Variants in GSR observed in about 807,000 individuals in gnomAD.
GSR encodes the protein glutathione-disulfide reductase, also known as glutathione reductase, mitochondrial.
A neutral mutation model predicts 56.5 loss-of-function variants in GSR; 48 were observed. That is an observed-to-expected ratio of 0.85 (90% confidence interval 0.67 to 1.08). The LOEUF (loss-of-function observed/expected upper bound fraction) is 1.08, where lower values mean the gene tolerates loss of function less well. Ranked by LOEUF, GSR falls within the 50% of genes least tolerant of loss-of-function variation. The probability of loss-of-function intolerance (pLI) is 0.00; values close to 1 mark genes in which losing one functional copy is unlikely to be tolerated. For synonymous variants in GSR, 264 were observed against 270.8 expected (o/e 0.97, Z 0.25); for missense variants, 694 against 703.3 (o/e 0.99, Z 0.15).
At position 30,686,897 on chromosome 8, in the gene GSR, C is replaced by T. The variant is rs565388413; in HGVS notation, c.1041+2264G>A. Among the ~76,000 whole-genome samples, 144 of 149,938 alleles carry T rather than the reference C, an allele frequency of 9.6e-4. 5 individuals are homozygous for T. The South Asian group carries it at 0.024, about 25-fold the overall frequency. ...TGTTGCCAGGGCTGGAGTGCAATGGCGTGATCTCGGCTCACTGCAACCTCA... is the reference window on the plus strand; with the variant it reads ...TGTTGCCAGGGCTGGAGTGCAATGGTGTGATCTCGGCTCACTGCAACCTCA... On this transcript the variant is annotated intron_variant, in intron 9 of 12. Transcript: ENST00000221130.
chr8:30,720,613 C>CT (rs1165551171), intron 1 of GSR, among the ~76,000 whole-genome samples: 2 of 150,360 alleles, frequency 1.3e-5, no homozygotes, highest in East Asian at 2.0e-4. Flanking sequence ...CCTTCAAAGT[C>CT]TTTTTTTTCA....
chr8:30,710,483 G>T (rs1007578029), intron 2 of GSR, among the ~76,000 whole-genome samples: 3 of 151,534 alleles, frequency 2.0e-5, no homozygotes, highest in African/African-American at 7.3e-5. Context: ...TTGGAAGGCA[G>T]AGGGAGGTAG....
chr8:30,679,592 T>C lies in GSR; in HGVS notation c.1497A>G (p.Ala499=), dbSNP rs759485069. 6.2e-7 allele frequency: 1 copy of C among 1,614,140 alleles called. No homozygotes were observed. The highest frequency in any genetic ancestry group is 1.1e-5 in the South Asian group (1 of 91,082). Residue 499 remains alanine, a synonymous_variant, in exon 13 of 13, where the codon GCA becomes GCG. Coordinates refer to ENST00000221130, the MANE Select transcript of GSR (RefSeq NM_000637.5). ...QGFAVAVKMG[A]TKADFDNTVA... ...CTGTGTTGTCAAAGTCTGCCTTCGT[T>C]GCTCCCATCTTCACTGCAACAGCAA...
intron 1 of GSR, 113 bp from the exon 2 acceptor site, chr8:30,712,201 G>A: frequency 1.6e-6 from 1 of 641,930 alleles, no homozygotes; most frequent in East Asian, 2.6e-5. Flanking sequence ...TGGGTTCTAA[G>A]TCACAGTGTA....
intron 5 of GSR, among the ~76,000 whole-genome samples, chr8:30,702,353 A>G (rs1803773374): frequency 6.6e-6 from 1 of 152,062 alleles, no homozygotes; most frequent in Admixed American, 6.6e-5. Flanking sequence ...ATAATAAAAT[A>G]AAATGCAAAA....
intron 5 of GSR, 128 bp from the exon 6 acceptor site, chr8:30,700,263 A>G (rs1803685133): frequency 2.7e-6 from 2 of 749,002 alleles, no homozygotes; most frequent in South Asian, 2.9e-5. Flanking sequence ...AAGTTTTGTT[A>G]AAGTCTCTGC....
chr8:30,719,683 G>A (rs75533094), intron 1 of GSR, among the ~76,000 whole-genome samples: 48 of 152,046 alleles, frequency 3.2e-4, no homozygotes, highest in Admixed American at 2.7e-3. Context: ...TCAGAACCCC[G>A]ATCAGTGGGC....
At chr8:30,710,714 CAAA>C (rs60532553) in intron 2 of GSR, among the ~76,000 whole-genome samples, 91 of 50,884 alleles carry the variant, frequency 1.8e-3, no homozygotes, top group African/African-American at 2.8e-3. Context: ...GACTCTGTCT[CAAA>C]AAAAAAAAAA....
At chr8:30,722,630 G>A (rs2551699) in intron 1 of GSR, among the ~76,000 whole-genome samples, 116,058 of 151,170 alleles carry the variant, frequency 0.77, 48,995 homozygotes, top group Non-Finnish European at 0.94. Context: ...TACTGGGGAG[G>A]CTGAGGTGGG....
rs1319188207 is a variant in GSR, at chr8:30,704,355, A to G, written c.493-1115T>C. On this transcript the variant is annotated intron_variant, in intron 4 of 12. Coordinates refer to ENST00000221130, the MANE Select transcript of GSR (RefSeq NM_000637.5). ...AGACTGGTGTGTCTGGAGGAGAGGCAGAAGGCTAAGAAAGACAACAGGATA... is the reference window on the plus strand; with the variant it reads ...AGACTGGTGTGTCTGGAGGAGAGGCGGAAGGCTAAGAAAGACAACAGGATA... 5.9e-5 allele frequency among the ~76,000 whole-genome samples: 9 copies of G among 152,258 alleles called. 1 individual carries two copies. The South Asian group carries it at 1.9e-3, about 32-fold the overall frequency.
intron 6 of GSR, among the ~76,000 whole-genome samples, chr8:30,699,631 A>G (rs1803660600): frequency 6.6e-6 from 1 of 151,408 alleles, no homozygotes; most frequent in Non-Finnish European, 1.5e-5. Flanking sequence ...TTTAGTAGAG[A>G]CAGGGTTTCA....
At chr8:30,721,177 T>C (rs1327605937) in intron 1 of GSR, among the ~76,000 whole-genome samples, 1 of 152,134 alleles carries the variant, frequency 6.6e-6, no homozygotes, top group East Asian at 1.9e-4. Context: ...GAGACAACTC[T>C]TCTGGATGTC....
intron 1 of GSR, among the ~76,000 whole-genome samples, chr8:30,720,945 G>A (rs561549780): frequency 2.0e-5 from 3 of 151,894 alleles, no homozygotes; most frequent in Non-Finnish European, 2.9e-5. Flanking sequence ...ACAACACAGC[G>A]AGACCCCATC....
At chr8:30,703,325 A>G in intron 4 of GSR, 85 bp from the exon 5 acceptor site, 9 of 1,234,738 alleles carry the variant, frequency 7.3e-6, no homozygotes, top group Non-Finnish European at 1.1e-5. Flanking sequence ...TCATTTCTCT[A>G]CTGAACATTT....
At chr8:30,691,500 G>A (rs945170621) in intron 8 of GSR, among the ~76,000 whole-genome samples, 2 of 151,698 alleles carry the variant, frequency 1.3e-5, no homozygotes, top group African/African-American at 4.8e-5. Flanking sequence ...GGCCAAAATG[G>A]TGAAACCCCG....
chr8:30,709,428 A>G (rs1014337059), intron 3 of GSR, among the ~76,000 whole-genome samples: 3 of 152,206 alleles, frequency 2.0e-5, no homozygotes, highest in African/African-American at 7.2e-5. Flanking sequence ...CCGTGAAAAC[A>G]AAATACACTA....
chr8:30,710,519 C>G (rs1167463814), intron 2 of GSR, among the ~76,000 whole-genome samples: 1 of 150,642 alleles, frequency 6.6e-6, no homozygotes, highest in Admixed American at 6.7e-5. Flanking sequence ...GAGTTCGAGA[C>G]CATCTTGGCC....
chr8:30,682,496 G>A (rs1005800418), intron 10 of GSR, among the ~76,000 whole-genome samples: 17 of 152,180 alleles, frequency 1.1e-4, no homozygotes, highest in African/African-American at 3.4e-4. Flanking sequence ...AATGAATTCC[G>A]TGTTTCGACT....
intron 10 of GSR, among the ~76,000 whole-genome samples, chr8:30,683,795 T>C (rs1369512781): frequency 4.7e-5 from 7 of 150,316 alleles, no homozygotes; most frequent in African/African-American, 7.3e-5. Context: ...TTCTTCCAAA[T>C]GCCACTTCCT....
Sources: gnomAD v4.1 joint callset for allele counts (sites outside exome capture counted in the v4.1 genomes callset) on GRCh38, gnomAD v4.1.1 for gene constraint, MANE v1.5 for transcripts, NCBI Gene and HGNC (gene_info 2026-07-23, HGNC 2026-07-21) for gene names.